CDC23: variants seen among roughly 807,000 people sequenced by gnomAD.
CDC23 encodes the protein cell division cycle protein 23 homolog.
In CDC23, 26 loss-of-function variants were observed where a neutral mutation model predicts 81.7. The observed-to-expected ratio is 0.32, with a 90% CI of 0.23 to 0.44. CDC23 has a LOEUF of 0.44. CDC23 is among the 20% of genes least tolerant of loss of function. The pLI, the probability that CDC23 is intolerant of heterozygous loss-of-function variation, is 1.00. For synonymous variants in CDC23, 267 were observed against 270.8 expected (o/e 0.99, Z 0.14); for missense variants, 519 against 728.0 (o/e 0.71, Z 3.30).
rs777923809 is a variant in CDC23, at chr5:138,198,215, T to C, written c.996A>G (p.Glu332=). 8.7e-6 allele frequency: 14 copies of C among 1,611,654 alleles called. No individual in the cohort carries two copies. The Admixed American group carries it at 2.3e-4, about 27-fold the overall frequency. Residue 332 remains glutamate, a synonymous_variant, in exon 9 of 16, where the codon GAA becomes GAG. Coordinates refer to ENST00000394886, the MANE Select transcript of CDC23 (RefSeq NM_004661.4). ...AATTCTTACCAATTACACAGCACGT[T>C]TCTACACGATATTTATCAATCTCAC... is the stretch of plus-strand genomic sequence containing the variant. ...NLCEIDKYRV[E]TCCVIGNYYS...
intron 2 of CDC23, among the ~76,000 whole-genome samples, chr5:138,207,386 T>A (rs970339003): frequency 1.3e-5 from 2 of 152,172 alleles, no homozygotes; most frequent in Non-Finnish European, 2.9e-5. Flanking sequence ...TAGCTTCTCT[T>A]AGCATCCATT....
At chr5:138,198,923 C>A in intron 6 of CDC23, 141 bp from the exon 7 acceptor site, 3 of 785,430 alleles carry the variant, frequency 3.8e-6, no homozygotes, top group Non-Finnish European at 5.9e-6. Context: ...CAGGACAGTC[C>A]AATTAACTGA....
chr5:138,212,344 G>A (rs1172198972), intron 2 of CDC23, among the ~76,000 whole-genome samples: 1 of 152,166 alleles, frequency 6.6e-6, no homozygotes, highest in African/African-American at 2.4e-5. Flanking sequence ...TTTTGAGACA[G>A]TGTCCCGCTC....
At chr5:138,201,629 G>T (rs1041438994) in intron 4 of CDC23, among the ~76,000 whole-genome samples, 181 bp from the exon 5 acceptor site, 1 of 152,080 alleles carries the variant, frequency 6.6e-6, no homozygotes, top group Non-Finnish European at 1.5e-5. Flanking sequence ...TTATAGGTGT[G>T]AGCCACTGTA....
intron 2 of CDC23, among the ~76,000 whole-genome samples, chr5:138,211,716 A>G (rs1341492622): frequency 6.6e-6 from 1 of 152,142 alleles, no homozygotes; most frequent in African/African-American, 2.4e-5. Context: ...TATGTTCACT[A>G]TTTGGATGAT....
intron 2 of CDC23, among the ~76,000 whole-genome samples, chr5:138,207,516 C>T (rs1755064964): frequency 6.6e-6 from 1 of 152,182 alleles, no homozygotes; most frequent in African/African-American, 2.4e-5. Flanking sequence ...CTGTCTTTTA[C>T]AGTCCTACAT....
At position 138,198,300 on chromosome 5, in the gene CDC23, C is replaced by T; in HGVS notation, c.931-20G>A. ...CATGCTCTGGGATAAAAGAAAAAGA[C>T]AATATAAGCATGAAAAAAGAACTCC... is the stretch of plus-strand genomic sequence containing the variant. On this transcript the variant is annotated intron_variant, in intron 8 of 15. Transcript: ENST00000394886. 1 of 1,604,722 alleles carries T rather than the reference C, an allele frequency of 6.2e-7. No homozygotes were observed. The highest frequency in any genetic ancestry group is 8.5e-7 in the Non-Finnish European group (1 of 1,172,678).
chr5:138,212,533 G>T (rs1561639015), intron 2 of CDC23, among the ~76,000 whole-genome samples: 1 of 136,078 alleles, frequency 7.3e-6, no homozygotes, highest in African/African-American at 2.5e-5. Context: ...GGCCAAGCTG[G>T]TCTCGAACTC....
Position 138,213,172 on chromosome 5 carries a change from G to T in CDC23, c.141C>A (p.Gly47=). The part of the protein sequence containing the change: ...LLIAGLTRER[G]LLHSSKWSAE... ...CTCACCATTTGCTACTGTGTAGTAG[G>T]CCCCGCTCCCGGGTAAGGCCCGCAA... is the stretch of plus-strand genomic sequence containing the variant. Residue 47 remains glycine, a synonymous_variant, in exon 1 of 16, where the codon GGC becomes GGA. Coordinates refer to ENST00000394886, the MANE Select transcript of CDC23 (RefSeq NM_004661.4). The T allele has an allele frequency of 6.2e-7, 1 of 1,614,100 alleles. No homozygotes were observed. Among genetic ancestry groups the T allele is most frequent in the Non-Finnish European group, 8.5e-7 (1 of 1,180,024 alleles).
At chr5:138,205,250 T>C (rs1182101323) in intron 3 of CDC23, among the ~76,000 whole-genome samples, 1 of 152,240 alleles carries the variant, frequency 6.6e-6, no homozygotes, top group African/African-American at 2.4e-5. Flanking sequence ...ATAGATTGTA[T>C]GTGAAAGATT....
intron 6 of CDC23, 180 bp downstream of exon 6, chr5:138,200,927 G>C (rs1219110077): frequency 8.5e-6 from 5 of 585,478 alleles, no homozygotes; most frequent in Non-Finnish European, 8.9e-6. Context: ...TACTGAAAAA[G>C]AGCTAGTCAT....
Position 138,188,853 on chromosome 5 carries a change from T to C in CDC23, c.*125A>G. On this transcript the variant is annotated 3_prime_UTR_variant, in exon 16 of 16. Coordinates refer to ENST00000394886, the MANE Select transcript of CDC23 (RefSeq NM_004661.4). ...AAGGTAATTATACAAGCTGTCCCTA[T>C]GGAGCTGTTGCCATCTGTAGAAACA... The C allele has an allele frequency of 2.4e-6, 2 of 838,228 alleles. No homozygotes were observed. The highest frequency in any genetic ancestry group is 2.0e-5 in the South Asian group (1 of 49,858). The allele number at this position is 838,228 out of a possible 1,614,324, so 51.9% of individuals were successfully genotyped here.
intron 3 of CDC23, chr5:138,205,900 A>C (rs1755043014): frequency 6.6e-6 from 1 of 152,188 alleles, no homozygotes; most frequent in Non-Finnish European, 1.5e-5. Flanking sequence ...TTTTATTTCA[A>C]CCAGTAAGTA....
Position 138,201,621 on chromosome 5 carries a change from A to G in CDC23, c.416-173T>C, listed in dbSNP as rs17234835. On this transcript the variant is annotated intron_variant, in intron 4 of 15. Transcript: ENST00000394886. ...CTCAGACTCCCAAAGTGCTGGGATT[A>G]TAGGTGTGAGCCACTGTACCCAGCT... Among the ~76,000 whole-genome samples the G allele has an allele frequency of 1.4e-3, 210 of 152,280 alleles. 1 individual carries two copies. The highest frequency in any genetic ancestry group is 4.5e-3 in the African/African-American group (189 of 41,562).
chr5:138,198,869 G>A (rs1187243829), intron 6 of CDC23, 87 bp from the exon 7 acceptor site: 3 of 1,364,462 alleles, frequency 2.2e-6, no homozygotes, highest in Non-Finnish European at 3.0e-6. Context: ...ATTATCTAAA[G>A]GAATTTATCA....
chr5:138,191,088 C>A (rs1315484859), intron 13 of CDC23, among the ~76,000 whole-genome samples: 1 of 152,096 alleles, frequency 6.6e-6, no homozygotes, highest in African/African-American at 2.4e-5. Flanking sequence ...AAGCAACGGC[C>A]CTCCTTCAAG....
chr5:138,198,576 A>G (rs1248803965), intron 7 of CDC23, 29 bp downstream of exon 7: 2 of 1,613,044 alleles, frequency 1.2e-6, no homozygotes, highest in East Asian at 4.5e-5. Context: ...TCAGGGTCTG[A>G]TAGTATTTCA....
At chr5:138,205,274 C>T (rs1755035767) in intron 3 of CDC23, among the ~76,000 whole-genome samples, 4 of 152,054 alleles carry the variant, frequency 2.6e-5, no homozygotes, top group Admixed American at 2.6e-4. Flanking sequence ...TTTTTAAATC[C>T]CATAATTTCA....
intron 9 of CDC23, among the ~76,000 whole-genome samples, chr5:138,194,311 GAT>G (rs1460480128): frequency 1.3e-5 from 2 of 152,040 alleles, no homozygotes; most frequent in African/African-American, 4.8e-5. Flanking sequence ...CAGGTGTGGT[GAT>G]ATATGCCTGT....
Sources: allele counts gnomAD v4.1 joint callset (sites outside exome capture counted in the v4.1 genomes callset), GRCh38; gene constraint gnomAD v4.1.1; transcripts MANE v1.5; gene names NCBI Gene and HGNC (gene_info 2026-07-23, HGNC 2026-07-21).